VOPP1: variants seen among roughly 807,000 people sequenced by gnomAD.
VOPP1 encodes the protein VOPP1 WW domain binding protein.
VOPP1 carries 8 observed loss-of-function variants against 23.5 expected under a neutral mutation model. The ratio of observed to expected loss-of-function variants is 0.34; its 90% CI spans 0.20 to 0.61. VOPP1 has a LOEUF of 0.61. Ranked by LOEUF, VOPP1 falls within the 20% of genes least tolerant of loss-of-function variation. VOPP1 has a pLI of 0.78. For synonymous variants in VOPP1, 83 were observed against 97.3 expected (o/e 0.85, Z 0.86); for missense variants, 174 against 238.1 (o/e 0.73, Z 1.77).
intron 4 of VOPP1, among the ~76,000 whole-genome samples, chr7:55,483,022 G>C (rs1409327141): frequency 1.3e-5 from 2 of 152,188 alleles, no homozygotes; most frequent in East Asian, 3.8e-4. Context: ...TAGAGTAAAA[G>C]CAGTCATGTT....
chr7:55,544,445 G>C (rs1480699484), intron 1 of VOPP1, among the ~76,000 whole-genome samples: 3 of 152,200 alleles, frequency 2.0e-5, no homozygotes, highest in Non-Finnish European at 4.4e-5. Flanking sequence ...GCAGAACGGG[G>C]AACGCTGTTA....
intron 1 of VOPP1, among the ~76,000 whole-genome samples, chr7:55,538,003 T>G (rs936211551): frequency 2.6e-5 from 4 of 152,034 alleles, no homozygotes; most frequent in African/African-American, 9.7e-5. Flanking sequence ...GAGCCCCCAT[T>G]CAGCTCACAC....
chr7:55,495,883 G>A (rs1438030421), intron 3 of VOPP1, among the ~76,000 whole-genome samples: 2 of 152,200 alleles, frequency 1.3e-5, no homozygotes, highest in Non-Finnish European at 2.9e-5. Context: ...CCATCTTCTG[G>A]CATCTGGCAC....
Position 55,565,707 on chromosome 7 carries a change from G to A in VOPP1, c.54+6564C>T, listed in dbSNP as rs1297868514. On this transcript the variant is annotated intron_variant, in intron 1 of 4. Coordinates refer to ENST00000285279, the MANE Select transcript of VOPP1 (RefSeq NM_030796.5). ...AGCAGCACATGTTAAAAAGATTTCGGTCTCACTGCAAACTCAGGGTGAATC... is the reference window on the plus strand; with the variant it reads ...AGCAGCACATGTTAAAAAGATTTCGATCTCACTGCAAACTCAGGGTGAATC... Among the ~76,000 whole-genome samples the A allele has an allele frequency of 2.6e-5, 4 of 152,324 alleles. 1 individual carries two copies. Among genetic ancestry groups the A allele is most frequent in the Middle Eastern group, 6.8e-3 (2 of 294 alleles).
chr7:55,492,640 A>G (rs1793666172), intron 3 of VOPP1, among the ~76,000 whole-genome samples: 1 of 152,242 alleles, frequency 6.6e-6, no homozygotes, highest in African/African-American at 2.4e-5. Context: ...AGCAACAAGT[A>G]GATGCTTGAC....
chr7:55,474,354 G>A (rs1312915083), intron 4 of VOPP1, among the ~76,000 whole-genome samples: 17 of 151,968 alleles, frequency 1.1e-4, no homozygotes, highest in Admixed American at 9.8e-4. Context: ...CCTGCTATAT[G>A]TTATACAATT....
intron 4 of VOPP1, among the ~76,000 whole-genome samples, chr7:55,453,683 GTTAT>G (rs1311058402): frequency 1.3e-5 from 2 of 152,078 alleles, no homozygotes; most frequent in African/African-American, 2.4e-5. Flanking sequence ...CACCATAACA[GTTAT>G]TTATTAATGA....
chr7:55,466,484 A>G (rs1282062923), downstream of VOPP1, among the ~76,000 whole-genome samples: 1 of 152,110 alleles, frequency 6.6e-6, no homozygotes, highest in African/African-American at 2.4e-5. Flanking sequence ...CAGAGCCACA[A>G]TGTGGGCAGA....
At chr7:55,565,250 T>C (rs1390028007) in intron 1 of VOPP1, among the ~76,000 whole-genome samples, 7 of 152,208 alleles carry the variant, frequency 4.6e-5, no homozygotes, top group Admixed American at 3.9e-4. Context: ...ACCTTCGCGT[T>C]TAGACACCCT....
chr7:55,504,740 G>A (rs910304465), intron 2 of VOPP1, among the ~76,000 whole-genome samples: 11 of 152,220 alleles, frequency 7.2e-5, no homozygotes, highest in South Asian at 2.1e-4. Flanking sequence ...AAAAGGACTC[G>A]CATATTTTCC....
intron 4 of VOPP1, among the ~76,000 whole-genome samples, chr7:55,441,708 G>A (rs916589967): frequency 2.0e-5 from 3 of 152,136 alleles, no homozygotes; most frequent in Admixed American, 6.5e-5. Context: ...GAGCAGTAGC[G>A]CACCCCCACC....
chr7:55,557,516 T>C (rs1377102429), intron 1 of VOPP1, among the ~76,000 whole-genome samples: 1 of 151,772 alleles, frequency 6.6e-6, no homozygotes, highest in Non-Finnish European at 1.5e-5. Context: ...AAGGCTCTTA[T>C]GTCTGTTTAT....
intron 1 of VOPP1, among the ~76,000 whole-genome samples, chr7:55,523,706 G>C (rs539910407): frequency 6.6e-6 from 1 of 152,154 alleles, no homozygotes; most frequent in African/African-American, 2.4e-5. Context: ...ACTTCTCTTT[G>C]TTCTTCACAC....
chr7:55,484,161 T>C (rs1401033646), intron 4 of VOPP1, among the ~76,000 whole-genome samples: 1 of 152,256 alleles, frequency 6.6e-6, no homozygotes, highest in African/African-American at 2.4e-5. Context: ...GTTTCCTTGC[T>C]GTTTCTTATC....
At chr7:55,460,732 T>G (rs544776636) in intron 4 of VOPP1, among the ~76,000 whole-genome samples, 3 of 152,364 alleles carry the variant, frequency 2.0e-5, no homozygotes, top group African/African-American at 7.2e-5. Flanking sequence ...AATGACCTTT[T>G]TATCTTTTTA....
intron 2 of VOPP1, among the ~76,000 whole-genome samples, chr7:55,505,589 T>C (rs1583952810): frequency 7.0e-6 from 1 of 143,264 alleles, no homozygotes; most frequent in Non-Finnish European, 1.5e-5. Context: ...TTATGGTAGG[T>C]GAATTGTACC....
chr7:55,441,240 G>A (rs1386684823), intron 4 of VOPP1, among the ~76,000 whole-genome samples: 1 of 152,182 alleles, frequency 6.6e-6, no homozygotes. Context: ...CTGGGGAGGA[G>A]GGAAGGGGGA....
chr7:55,557,399 AT>A (rs1350080233), intron 1 of VOPP1, among the ~76,000 whole-genome samples: 1 of 152,052 alleles, frequency 6.6e-6, no homozygotes, highest in African/African-American at 2.4e-5. Context: ...CATTGCCACC[AT>A]CATCTGGAGA....
chr7:55,547,848 G>T (rs910976252), intron 1 of VOPP1, among the ~76,000 whole-genome samples: 2 of 152,168 alleles, frequency 1.3e-5, no homozygotes, highest in African/African-American at 4.8e-5. Flanking sequence ...TCACTCCCTA[G>T]TAGATGTGGC....
Sources: gnomAD v4.1 joint callset for allele counts (sites outside exome capture counted in the v4.1 genomes callset) on GRCh38, gnomAD v4.1.1 for gene constraint, MANE v1.5 for transcripts, NCBI Gene and HGNC (gene_info 2026-07-23, HGNC 2026-07-21) for gene names.